CDKL1: variants seen among roughly 807,000 people sequenced by gnomAD.
CDKL1 encodes cyclin dependent kinase like 1.
A neutral mutation model predicts 42.0 loss-of-function variants in CDKL1; 41 were observed. That is an observed-to-expected ratio of 0.98 (90% confidence interval 0.76 to 1.27). The LOEUF is 1.27. CDKL1 is among the 50% of genes most tolerant of loss of function. The probability of loss-of-function intolerance (pLI) is 0.00; values close to 1 mark genes in which losing one functional copy is unlikely to be tolerated. For missense variants in CDKL1, 394 were observed against 428.4 expected, an observed-to-expected ratio of 0.92 and a Z score of 0.71; for synonymous variants, 153 against 158.6, an observed-to-expected ratio of 0.96 and a Z score of 0.26.
At chr14:50,381,697 T>A (rs1345159195) in intron 2 of CDKL1, among the ~76,000 whole-genome samples, 3 of 152,240 alleles carry the variant, frequency 2.0e-5, no homozygotes, top group Non-Finnish European at 4.4e-5. Context: ...GTCAATTATT[T>A]CATTGGTTTT....
At chr14:50,356,177 T>C (rs1404965486) in intron 3 of CDKL1, among the ~76,000 whole-genome samples, 1 of 152,232 alleles carries the variant, frequency 6.6e-6, no homozygotes, top group Non-Finnish European at 1.5e-5. Context: ...GCTTTGTTGA[T>C]ATTGTCTAAT....
intron 3 of CDKL1, among the ~76,000 whole-genome samples, chr14:50,354,506 TGAG>T (rs1025471548): frequency 6.6e-6 from 1 of 152,022 alleles, no homozygotes; most frequent in African/African-American, 2.4e-5. Flanking sequence ...GGCAGAAAAA[TGAG>T]GAGAAAACAT....
chr14:50,370,354 C>G (rs748784786), intron 2 of CDKL1, among the ~76,000 whole-genome samples: 1 of 152,224 alleles, frequency 6.6e-6, no homozygotes, highest in African/African-American at 2.4e-5. Flanking sequence ...CAGGCGTGAG[C>G]CCCTGCACTC....
intron 2 of CDKL1, among the ~76,000 whole-genome samples, chr14:50,389,180 C>T (rs1413608498): frequency 1.3e-5 from 2 of 151,234 alleles, no homozygotes; most frequent in African/African-American, 4.9e-5. Flanking sequence ...ATGCCCCTGT[C>T]CCTTCTATAA....
chr14:50,382,542 C>CTCCCT (rs144973546), intron 2 of CDKL1, among the ~76,000 whole-genome samples: 3 of 144,814 alleles, frequency 2.1e-5, no homozygotes, highest in African/African-American at 5.1e-5. Context: ...ATAAAAATTA[C>CTCCCT]TCCTTCCTTC....
chr14:50,366,392 A>G (rs1490192889), intron 2 of CDKL1, among the ~76,000 whole-genome samples: 2 of 152,196 alleles, frequency 1.3e-5, no homozygotes, highest in African/African-American at 4.8e-5. Flanking sequence ...GGGTCACTTC[A>G]GCAACTGAAA....
intron 2 of CDKL1, among the ~76,000 whole-genome samples, chr14:50,366,103 C>CG (rs1384649817): frequency 5.3e-5 from 8 of 152,182 alleles, no homozygotes; most frequent in African/African-American, 1.2e-4. Flanking sequence ...ATATATACAT[C>CG]TATCCTATTG....
intron 2 of CDKL1, chr14:50,378,377 T>A: frequency 7.3e-7 from 1 of 1,366,418 alleles, no homozygotes; most frequent in Non-Finnish European, 9.8e-7. Context: ...ACCTGCCTCA[T>A]AGGTACCAGC....
At chr14:50,385,108 A>G (rs1482886188) in intron 2 of CDKL1, among the ~76,000 whole-genome samples, 3 of 130,286 alleles carry the variant, frequency 2.3e-5, no homozygotes, top group Non-Finnish European at 3.2e-5. Context: ...AAAAAAAAAA[A>G]GAACCATTGG....
At chr14:50,365,762 A>C (rs1304879205) in intron 2 of CDKL1, among the ~76,000 whole-genome samples, 1 of 152,188 alleles carries the variant, frequency 6.6e-6, no homozygotes, top group African/African-American at 2.4e-5. Flanking sequence ...GGAGAGACAG[A>C]CCCACCCTCA....
At chr14:50,379,625 G>T (rs1461551612) in intron 2 of CDKL1, among the ~76,000 whole-genome samples, 1 of 152,168 alleles carries the variant, frequency 6.6e-6, no homozygotes, top group Non-Finnish European at 1.5e-5. Flanking sequence ...ATAATGCACA[G>T]GAATGCCATG....
Position 50,384,043 on chromosome 14 carries a change from A to T in CDKL1, c.168+11658T>A, listed in dbSNP as rs183728203. Among the ~76,000 whole-genome samples the T allele has an allele frequency of 2.6e-5, 4 of 152,354 alleles. No homozygotes were observed. In the East Asian group the frequency reaches 7.7e-4, roughly 29 times the overall value. On this transcript the variant is annotated intron_variant, in intron 2 of 9. Coordinates refer to ENST00000395834, the MANE Select transcript of CDKL1 (RefSeq NM_004196.7). ...TATTATCTTGTAAAAATAAAATTCA[A>T]CAGGTCCCCACTTGTTGAACCAATA... is the stretch of plus-strand genomic sequence containing the variant.
chr14:50,329,593 G>A lies in CDKL1; in HGVS notation c.*481C>T, dbSNP rs2032829280. 1 of 152,246 alleles carries A rather than the reference G, an allele frequency of 6.6e-6. No individual in the cohort carries two copies. The highest frequency in any genetic ancestry group is 1.5e-5 in the Non-Finnish European group (1 of 68,178). 9.4% of individuals were successfully genotyped at this position (152,246 alleles called of 1,614,324 possible). A position where few individuals can be genotyped will look rare whatever the true frequency, so the allele number is the denominator to read the frequency against. ...CAAGAAATAGAGCAAGCAGGAAATG[G>A]GATTTTAAACATTTTGATTTCAAGA... is the stretch of plus-strand genomic sequence containing the variant. On this transcript the variant is annotated 3_prime_UTR_variant, in exon 10 of 10. Transcript: ENST00000395834.
chr14:50,378,129 A>G, intron 2 of CDKL1: 1 of 1,353,486 alleles, frequency 7.4e-7, no homozygotes, highest in Non-Finnish European at 9.9e-7. Flanking sequence ...CTTCAGGGCT[A>G]GGAAAAGCAA....
Position 50,395,907 on chromosome 14 carries a change from G to A in CDKL1, c.-39C>T, listed in dbSNP as rs367656406. On this transcript the variant is annotated 5_prime_UTR_variant, in exon 2 of 10. Coordinates refer to ENST00000395834, the MANE Select transcript of CDKL1 (RefSeq NM_004196.7). ...ATCTTCTTAAAATGGATCTTCAGCC[G>A]AGAATGGTGGCTCACGCCTGTAATC... is the stretch of plus-strand genomic sequence containing the variant. 7.2e-5 allele frequency: 115 copies of A among 1,596,806 alleles called. No homozygotes were observed. Among genetic ancestry groups the A allele is most frequent in the Non-Finnish European group, 8.9e-5 (104 of 1,165,250 alleles).
At chr14:50,342,096 T>G in intron 5 of CDKL1, 36 bp downstream of exon 5, 1 of 1,569,238 alleles carries the variant, frequency 6.4e-7, no homozygotes, top group Non-Finnish European at 8.8e-7. Flanking sequence ...ACTTTTTCAT[T>G]TTTTATACTT....
At chr14:50,380,935 G>C (rs2034888875) in intron 2 of CDKL1, among the ~76,000 whole-genome samples, 1 of 152,012 alleles carries the variant, frequency 6.6e-6, no homozygotes, top group South Asian at 2.1e-4. Flanking sequence ...CCAAATAGCT[G>C]TGACTACAGG....
At chr14:50,338,549 G>T (rs916834298) in intron 7 of CDKL1, among the ~76,000 whole-genome samples, 1 of 152,120 alleles carries the variant, frequency 6.6e-6, no homozygotes. Flanking sequence ...AGTTCATTAT[G>T]ATTTTTCCCA....
intron 2 of CDKL1, among the ~76,000 whole-genome samples, chr14:50,393,584 T>A (rs1566615368): frequency 2.0e-5 from 3 of 152,176 alleles, no homozygotes; most frequent in Non-Finnish European, 2.9e-5. Context: ...GCTTAAGCCA[T>A]CCTCTTGCCT....
Sources: gnomAD v4.1 joint callset for allele counts (sites outside exome capture counted in the v4.1 genomes callset) on GRCh38, gnomAD v4.1.1 for gene constraint, MANE v1.5 for transcripts, NCBI Gene and HGNC (gene_info 2026-07-23, HGNC 2026-07-21) for gene names.